The following LIPN variants were observed in gnomAD, a reference collection of about 807,000 sequenced individuals.
The protein encoded by LIPN is lipase family member N, also known as lipase member N.
Under a neutral mutation model 43.7 loss-of-function variants are expected in LIPN, and 32 were observed. That is an observed-to-expected ratio of 0.73 (90% CI 0.55 to 0.98). LIPN has a LOEUF of 0.98. Among genes scored for constraint, LIPN ranks in the 50% least tolerant of loss-of-function variants. The pLI, the probability that LIPN is intolerant of heterozygous loss-of-function variation, is 0.00. For synonymous variants in LIPN, 156 were observed against 157.6 expected (o/e 0.99, Z 0.08); for missense variants, 505 against 483.8 (o/e 1.04, Z -0.41).
At chr10:88,771,378 T>A (rs1032343232) in intron 7 of LIPN, among the ~76,000 whole-genome samples, 2 of 151,806 alleles carry the variant, frequency 1.3e-5, no homozygotes, top group Non-Finnish European at 2.9e-5. Flanking sequence ...GGTATTTTGG[T>A]ACCCATTAAC....
intron 3 of LIPN, among the ~76,000 whole-genome samples, chr10:88,762,601 G>A (rs1843021027): frequency 6.6e-6 from 1 of 152,006 alleles, no homozygotes; most frequent in Admixed American, 6.6e-5. Context: ...GATTTATCAT[G>A]TGGAAAATTG....
rs1843331435 is a variant in LIPN, at chr10:88,778,318, A to G, written c.*76A>G. ...ACTTTAGAAAAAATAGTAACCAACA[A>G]TGAGGTTGTCCCCCAGCACCCTGGG... On this transcript the variant is annotated 3_prime_UTR_variant, in exon 10 of 10. Coordinates refer to ENST00000404459, the MANE Select transcript of LIPN (RefSeq NM_001102469.2). 4.7e-6 allele frequency: 5 copies of G among 1,053,430 alleles called. No homozygotes were observed. Among genetic ancestry groups the G allele is most frequent in the Non-Finnish European group, 7.0e-6 (5 of 713,736 alleles). 65.3% of individuals were successfully genotyped at this position (1,053,430 alleles called of 1,614,324 possible). A position where few individuals can be genotyped will look rare whatever the true frequency, so the allele number is the denominator to read the frequency against.
Position 88,761,403 on chromosome 10 carries a change from T to C in LIPN, c.-3T>C, listed in dbSNP as rs370558551. On this transcript the variant is annotated 5_prime_UTR_variant, in exon 2 of 10. Coordinates refer to ENST00000404459, the MANE Select transcript of LIPN (RefSeq NM_001102469.2). Reference sequence around the variant, plus strand: ...TATTAAATGTTTTATGCCAGGCATTTCTATGATGTGGCTGCTTTTAACAAC... The same window carrying C: ...TATTAAATGTTTTATGCCAGGCATTCCTATGATGTGGCTGCTTTTAACAAC... 2 of 1,594,258 alleles carry C rather than the reference T, an allele frequency of 1.3e-6. No individual in the cohort carries two copies. Among genetic ancestry groups the C allele is most frequent in the East Asian group, 2.2e-5 (1 of 44,674 alleles).
In LIPN at chr10:88,766,300, G is replaced by T. The variant is rs1843095998; in HGVS notation, c.457G>T (p.Gly153Ter). ...FDEMAKYDLP[G>*]VIDFIVNKTG... ...TGAAATGGCCAAATATGATCTCCCA[G>T]GAGTAATAGACTTCATTGTAAATAA... Residue 153 changes from glycine (G) to a stop codon, truncating the protein, a stop_gained, in exon 5 of 10, where the codon GGA becomes TGA. Transcript: ENST00000404459. LOFTEE classifies it high-confidence loss of function. 6.2e-7 allele frequency: 1 copy of T among 1,607,652 alleles called. No individual in the cohort carries two copies. Among genetic ancestry groups the T allele is most frequent in the Non-Finnish European group, 8.5e-7 (1 of 1,175,174 alleles).
intron 6 of LIPN, 52 bp downstream of exon 6, chr10:88,768,980 T>A (rs1336224352): frequency 1.3e-6 from 2 of 1,524,110 alleles, no homozygotes; most frequent in Non-Finnish European, 1.8e-6. Flanking sequence ...GGATCATAAA[T>A]CCTTATTATT....
chr10:88,759,066 C>G (rs1181790418), upstream of LIPN, among the ~76,000 whole-genome samples: 1 of 152,096 alleles, frequency 6.6e-6, no homozygotes, highest in Non-Finnish European at 1.5e-5. Flanking sequence ...AGTCTTTCAT[C>G]AAGACTAAAT....
chr10:88,778,321 A>G lies in LIPN; in HGVS notation c.*79A>G. On this transcript the variant is annotated 3_prime_UTR_variant, in exon 10 of 10. Coordinates refer to ENST00000404459, the MANE Select transcript of LIPN (RefSeq NM_001102469.2). ...TTAGAAAAAATAGTAACCAACAATG[A>G]GGTTGTCCCCCAGCACCCTGGGGGA... 1 of 1,029,334 alleles carries G rather than the reference A, an allele frequency of 9.7e-7. No homozygotes were observed. Among genetic ancestry groups the G allele is most frequent in the Non-Finnish European group, 1.4e-6 (1 of 693,320 alleles). 63.8% of individuals were successfully genotyped at this position (1,029,334 alleles called of 1,614,324 possible). A position where few individuals can be genotyped will look rare whatever the true frequency, so the allele number is the denominator to read the frequency against.
At chr10:88,767,360 A>C (rs1301161965) in intron 5 of LIPN, among the ~76,000 whole-genome samples, 8 of 151,838 alleles carry the variant, frequency 5.3e-5, no homozygotes, top group Non-Finnish European at 1.2e-4. Context: ...ATAGGCAAAT[A>C]ATTACAGTAT....
At chr10:88,757,239 G>A (rs926840296), upstream of LIPN, among the ~76,000 whole-genome samples, 6 of 151,992 alleles carry the variant, frequency 3.9e-5, no homozygotes, top group South Asian at 2.1e-4. Flanking sequence ...AGCAGGAAGC[G>A]AGGAAGGTAG....
In LIPN at chr10:88,768,820, A is replaced by G; in HGVS notation, c.564A>G (p.Glu188=). 1.2e-6 allele frequency: 2 copies of G among 1,611,528 alleles called. No individual in the cohort carries two copies. Among genetic ancestry groups the G allele is most frequent in the Non-Finnish European group, 8.5e-7 (1 of 1,178,436 alleles). ...IGFVAFSTMP[E]LAQRIKMNFA... is the part of the protein sequence containing the mutation. ...TTGTAGCCTTTTCCACCATGCCTGA[A>G]CTGGCACAAAGAATCAAAATGAATT... The change falls in exon 6 of 10, where the codon GAA becomes GAG. Residue 188 remains glutamate (E), a synonymous_variant. Transcript: ENST00000404459.
At position 88,777,821 on chromosome 10, in the gene LIPN, T is replaced by G. The variant is rs184221121; in HGVS notation, c.964-188T>G. Among the ~76,000 whole-genome samples the G allele has an allele frequency of 2.0e-5, 3 of 152,308 alleles. No homozygotes were observed. In the East Asian group the frequency reaches 5.8e-4, roughly 29 times the overall value. On this transcript the variant is annotated intron_variant, in intron 9 of 9. Transcript: ENST00000404459. ...TTATGGCATTTAACATACCTTACTT[T>G]GTATACAAATATTTGCCTTGCTCCC...
rs754922412 is a variant in LIPN, at chr10:88,766,379, G to A, written c.535+1G>A. ...GGACATTCACTTGGCACTACAATAG[G>A]TATGTTTATGAGGGTCACTGTTAGG... On this transcript the variant is annotated splice_donor_variant, in intron 5 of 9. Coordinates refer to ENST00000404459, the MANE Select transcript of LIPN (RefSeq NM_001102469.2). LOFTEE classifies it high-confidence loss of function. The A allele has an allele frequency of 5.2e-6, 8 of 1,547,644 alleles. No homozygotes were observed. The highest frequency in any genetic ancestry group is 1.4e-5 in the African/African-American group (1 of 73,388).
intron 6 of LIPN, among the ~76,000 whole-genome samples, chr10:88,770,063 T>A (rs1269493761): frequency 6.6e-6 from 1 of 151,856 alleles, no homozygotes; most frequent in African/African-American, 2.4e-5. Context: ...TCCTGGGTTA[T>A]CTCAGTTTCA....
At chr10:88,760,656 G>A (rs975835261) in intron 1 of LIPN, among the ~76,000 whole-genome samples, 1 of 152,096 alleles carries the variant, frequency 6.6e-6, no homozygotes, top group African/African-American at 2.4e-5. Context: ...AACCCTATGA[G>A]ATAGGTTACA....
chr10:88,761,512 C>G lies in LIPN; in HGVS notation c.107C>G (p.Thr36Ser). The change falls in exon 2 of 10, where the codon ACT becomes AGT. Residue 36 changes from threonine to serine, a missense_variant and splice_region_variant. By Grantham distance (58) the Thr-to-Ser change is moderately conservative. Transcript: ENST00000404459. Reference sequence around the variant, plus strand: ...GTGAATCCTGAGGTGTGGATGAATACTGTAAGTCATGGAAAACTGTGAAGA... The same window carrying G: ...GTGAATCCTGAGGTGTGGATGAATAGTGTAAGTCATGGAAAACTGTGAAGA... ...NEVNPEVWMN[T>S]SEIIIYNGYP... is the part of the protein sequence containing the mutation. 1 of 1,599,274 alleles carries G rather than the reference C, an allele frequency of 6.3e-7. No homozygotes were observed. The highest frequency in any genetic ancestry group is 8.6e-7 in the Non-Finnish European group (1 of 1,167,412).
In LIPN at chr10:88,767,466, T is replaced by C. The variant is rs955881878; in HGVS notation, c.535+1088T>C. 3.3e-5 allele frequency among the ~76,000 whole-genome samples: 5 copies of C among 151,688 alleles called. No homozygotes were observed. The East Asian group carries it at 9.8e-4, about 30-fold the overall frequency. ...GATCTTCAAAACAACCCGAATGTTA[T>C]TATCCCCATCTCATAGAAGAAGAAA... On this transcript the variant is annotated intron_variant, in intron 5 of 9. Coordinates refer to ENST00000404459, the MANE Select transcript of LIPN (RefSeq NM_001102469.2).
At chr10:88,766,619 C>A (rs1843104729) in intron 5 of LIPN, among the ~76,000 whole-genome samples, 1 of 151,860 alleles carries the variant, frequency 6.6e-6, no homozygotes, top group Admixed American at 6.6e-5. Flanking sequence ...TACGGTGATG[C>A]AACTTCCCAG....
intron 5 of LIPN, 133 bp from the exon 6 acceptor site, chr10:88,768,659 T>C: frequency 1.5e-6 from 1 of 647,204 alleles, no homozygotes; most frequent in Non-Finnish European, 2.6e-6. Context: ...ATAGAATAAC[T>C]CAGAAGACTT....
At chr10:88,768,166 A>C (rs1207247831) in intron 5 of LIPN, among the ~76,000 whole-genome samples, 1 of 151,698 alleles carries the variant, frequency 6.6e-6, no homozygotes, top group African/African-American at 2.4e-5. Context: ...AGATATACAA[A>C]GGGGTGCAAT....
Sources: allele counts gnomAD v4.1 joint callset (sites outside exome capture counted in the v4.1 genomes callset), GRCh38; gene constraint gnomAD v4.1.1; transcripts MANE v1.5; gene names NCBI Gene and HGNC (gene_info 2026-07-23, HGNC 2026-07-21).